GABRA5: variants seen among roughly 807,000 people sequenced by gnomAD.
GABRA5 encodes the protein gamma-aminobutyric acid type A receptor subunit alpha5.
Under a neutral mutation model 47.3 loss-of-function variants are expected in GABRA5, and 18 were observed. The ratio of observed to expected loss-of-function variants is 0.38; its 90% CI spans 0.26 to 0.56. GABRA5 has a LOEUF of 0.56. Among genes scored for constraint, GABRA5 ranks in the 20% least tolerant of loss-of-function variants. The probability of loss-of-function intolerance (pLI) is 0.71; values close to 1 mark genes in which losing one functional copy is unlikely to be tolerated. For missense variants in GABRA5, 365 were observed against 599.3 expected (o/e 0.61, Z 4.08); for synonymous variants, 237 against 229.3 (o/e 1.03, Z -0.30).
intron 7 of GABRA5, among the ~76,000 whole-genome samples, 161 bp from the exon 8 acceptor site, chr15:26,937,024 G>A (rs1472870860): frequency 9.2e-5 from 14 of 152,156 alleles, no homozygotes; most frequent in South Asian, 2.1e-4. Context: ...CTGCAGTGGC[G>A]TCTGCCCTGG....
intron 10 of GABRA5, among the ~76,000 whole-genome samples, chr15:26,947,038 T>C (rs908000330): frequency 7.2e-5 from 11 of 152,158 alleles, no homozygotes; most frequent in African/African-American, 2.7e-4. Context: ...TGTACCATGA[T>C]GTTTAATCGC....
At chr15:26,872,563 G>A (rs1359669017) in intron 3 of GABRA5, among the ~76,000 whole-genome samples, 44 of 152,186 alleles carry the variant, frequency 2.9e-4, no homozygotes, top group Admixed American at 2.9e-3. Flanking sequence ...CGGGAAAAAA[G>A]AGTCTGGGTC....
chr15:26,944,308 G>C (rs1894460118), intron 10 of GABRA5, among the ~76,000 whole-genome samples: 1 of 152,236 alleles, frequency 6.6e-6, no homozygotes, highest in African/African-American at 2.4e-5. Context: ...CCCCGTGCTT[G>C]CTCTGAGGGT....
intron 7 of GABRA5, among the ~76,000 whole-genome samples, chr15:26,917,572 C>A (rs1446257135): frequency 6.6e-6 from 1 of 152,016 alleles, no homozygotes; most frequent in Non-Finnish European, 1.5e-5. Context: ...GAGAGTAATG[C>A]AGGACTCATA....
chr15:26,911,598 G>C (rs1456880018), intron 6 of GABRA5, among the ~76,000 whole-genome samples: 1 of 152,152 alleles, frequency 6.6e-6, no homozygotes, highest in Non-Finnish European at 1.5e-5. Flanking sequence ...GCCAGGAGAG[G>C]AGGAGGAATG....
chr15:26,935,713 G>C (rs1894223031), intron 7 of GABRA5, among the ~76,000 whole-genome samples: 2 of 152,210 alleles, frequency 1.3e-5, no homozygotes, highest in Non-Finnish European at 2.9e-5. Context: ...GGCCTTTGCA[G>C]GAGGCCTCTC....
intron 6 of GABRA5, among the ~76,000 whole-genome samples, chr15:26,902,079 T>C (rs1015942642): frequency 2.0e-5 from 3 of 152,100 alleles, no homozygotes; most frequent in African/African-American, 7.2e-5. Flanking sequence ...GGGTGGTGTA[T>C]GTCCTCTGAC....
At chr15:26,870,318 T>G (rs1892433634) in intron 3 of GABRA5, among the ~76,000 whole-genome samples, 1 of 152,226 alleles carries the variant, frequency 6.6e-6, no homozygotes, top group Admixed American at 6.5e-5. Context: ...TCTGCTCTTC[T>G]GACTCTTCTG....
chr15:26,897,137 T>C (rs964456696), intron 6 of GABRA5, among the ~76,000 whole-genome samples: 6 of 152,060 alleles, frequency 3.9e-5, no homozygotes, highest in African/African-American at 1.4e-4. Context: ...TGAGCGTGAA[T>C]TTTAACCAGC....
chr15:26,906,742 C>T (rs1382711407), intron 6 of GABRA5, among the ~76,000 whole-genome samples: 3 of 152,130 alleles, frequency 2.0e-5, no homozygotes, highest in Non-Finnish European at 4.4e-5. Context: ...TACATTTGAT[C>T]TGTTAAAAAG....
intron 7 of GABRA5, among the ~76,000 whole-genome samples, chr15:26,935,782 C>T (rs966419632): frequency 6.6e-6 from 1 of 152,240 alleles, no homozygotes; most frequent in Non-Finnish European, 1.5e-5. Flanking sequence ...TGCATCTCTC[C>T]TTCTCTTCCT....
chr15:26,876,883 C>T (rs1414766026), intron 3 of GABRA5, among the ~76,000 whole-genome samples: 1 of 152,126 alleles, frequency 6.6e-6, no homozygotes. Flanking sequence ...TATGCAGGAC[C>T]CCCAGTGTGG....
chr15:26,908,749 A>G (rs1893508123), intron 6 of GABRA5, among the ~76,000 whole-genome samples: 1 of 152,328 alleles, frequency 6.6e-6, no homozygotes, highest in African/African-American at 2.4e-5. Context: ...TCATGTTTCC[A>G]ATAATTCCAG....
At position 26,948,209 on chromosome 15, in the gene GABRA5, A is replaced by C; in HGVS notation, c.1365A>C (p.Ile455=). Residue 455 remains isoleucine, a synonymous_variant, in exon 11 of 11, where the codon ATA becomes ATC. Transcript: ENST00000335625. ...WATYLNREPV[I]KGAASPK ...CGTATTTGAATAGGGAGCCGGTGAT[A>C]AAAGGAGCCGCCTCTCCAAAATAAC... The C allele has an allele frequency of 6.2e-7, 1 of 1,612,660 alleles. No homozygotes were observed. The highest frequency in any genetic ancestry group is 1.3e-5 in the African/African-American group (1 of 74,994).
At chr15:26,898,111 C>G (rs1054119954) in intron 6 of GABRA5, among the ~76,000 whole-genome samples, 2 of 152,114 alleles carry the variant, frequency 1.3e-5, no homozygotes, top group Non-Finnish European at 2.9e-5. Context: ...GAAACGTGCA[C>G]TGGAAAGAAG....
At chr15:26,921,866 A>G (rs2140300499) in intron 7 of GABRA5, among the ~76,000 whole-genome samples, 1 of 152,154 alleles carries the variant, frequency 6.6e-6, no homozygotes, top group South Asian at 2.1e-4. Context: ...TTATTTAGAT[A>G]TATGTTATTT....
At chr15:26,929,298 G>A (rs1894034715) in intron 7 of GABRA5, among the ~76,000 whole-genome samples, 1 of 152,254 alleles carries the variant, frequency 6.6e-6, no homozygotes, top group Non-Finnish European at 1.5e-5. Context: ...AAAGGAAGAA[G>A]TGAGAAGGAA....
intron 9 of GABRA5, among the ~76,000 whole-genome samples, chr15:26,941,095 G>C (rs1305960587): frequency 6.6e-6 from 1 of 152,202 alleles, no homozygotes; most frequent in Non-Finnish European, 1.5e-5. Flanking sequence ...GCACAGGGGT[G>C]CTCCCGTCTG....
chr15:26,887,774 CTTTTAT>C (rs770316350), intron 6 of GABRA5, among the ~76,000 whole-genome samples: 76 of 152,118 alleles, frequency 5.0e-4, no homozygotes, highest in Non-Finnish European at 3.4e-4. Context: ...TTTAAATTCC[CTTTTAT>C]TTTTAATCGA....
Sources: gnomAD v4.1 joint callset for allele counts (sites outside exome capture counted in the v4.1 genomes callset) on GRCh38, gnomAD v4.1.1 for gene constraint, MANE v1.5 for transcripts, NCBI Gene and HGNC (gene_info 2026-07-23, HGNC 2026-07-21) for gene names.